Variants in SLC29A4 observed in about 807,000 individuals in gnomAD.
SLC29A4 encodes equilibrative nucleoside transporter 4.
A neutral mutation model predicts 43.9 loss-of-function variants in SLC29A4; 36 were observed. The observed-to-expected ratio is 0.82, with a 90% CI of 0.63 to 1.08. The LOEUF (loss-of-function observed/expected upper bound fraction) is 1.08, where lower values mean the gene tolerates loss of function less well. SLC29A4 is among the 50% of genes least tolerant of loss of function. The pLI, the probability that SLC29A4 is intolerant of heterozygous loss-of-function variation, is 0.00. For synonymous variants in SLC29A4, 491 were observed against 338.0 expected (o/e 1.45, Z -4.97); for missense variants, 869 against 755.3 (o/e 1.15, Z -1.77).
chr7:5,299,212 C>T (rs1371847177), intron 8 of SLC29A4, 28 bp from the exon 9 acceptor site: 2 of 1,602,716 alleles, frequency 1.2e-6, no homozygotes, highest in South Asian at 1.1e-5. Context: ...GTGGGCGCTG[C>T]CTCTGACCCC....
rs200232998 is a variant in SLC29A4, at chr7:5,287,710, CAT to C, written c.-8-98_-8-97del. On this transcript the variant is annotated intron_variant, in intron 1 of 10. Transcript: ENST00000396872. ...TGGCCAACGAGTGTGACCAAAGTGA[CAT>C]GTGTCACTCCAGGTAGAAGCTTTAT... 2.1e-3 allele frequency: 2,570 copies of C among 1,246,688 alleles called. 19 individuals are homozygous for C. The African/African-American group carries it at 0.021, about 10-fold the overall frequency. The allele number at this position is 1,246,688 out of a possible 1,614,324, so 77.2% of individuals were successfully genotyped here.
rs143356600 is a variant in SLC29A4 at position 5,300,601 on chromosome 7, C to G, written c.1389C>G (p.Phe463Leu). ...TCATGGGCATCAGCAACGGCTACTT[C>G]GGCAGCGTGCCCATGATCCTGGCGG... is the stretch of plus-strand genomic sequence containing the variant. The part of the protein sequence containing the change: ...SLLMGISNGY[F>L]GSVPMILAAG... The change falls in exon 10 of 11, where the codon TTC becomes TTG. Residue 463 changes from phenylalanine to leucine, a missense_variant. Physicochemically the swap from Phe to Leu is conservative, Grantham distance 22. Transcript: ENST00000396872. 6.2e-7 allele frequency: 1 copy of G among 1,611,062 alleles called. No homozygotes were observed. Among genetic ancestry groups the G allele is most frequent in the Non-Finnish European group, 8.5e-7 (1 of 1,178,874 alleles).
chr7:5,293,903 G>A (rs973289364), intron 5 of SLC29A4, among the ~76,000 whole-genome samples: 2 of 152,068 alleles, frequency 1.3e-5, no homozygotes, highest in African/African-American at 4.8e-5. Context: ...TCAGGAGTTC[G>A]AGACCAGTCT....
At position 5,287,973 on chromosome 7, in the gene SLC29A4, T is replaced by C; in HGVS notation, c.157T>C (p.Phe53Leu). ...QGLRARGVPAFTDTTLDEPVP... is the reference protein window; with the variant it reads ...QGLRARGVPALTDTTLDEPVP... ...CCTTAGGGCCAGGGGCGTCCCAGCT[T>C]TCACGGATACTAGTAAGTAGGCGTG... Residue 53 changes from phenylalanine to leucine, a missense_variant, in exon 2 of 11, where the codon TTC (phenylalanine) becomes CTC (leucine). Phe to Leu is a conservative substitution (Grantham distance 22, BLOSUM62 0). Transcript: ENST00000396872. 1 of 1,608,782 alleles carries C rather than the reference T, an allele frequency of 6.2e-7. No individual in the cohort carries two copies. The highest frequency in any genetic ancestry group is 8.5e-7 in the Non-Finnish European group (1 of 1,178,808).
At chr7:5,300,068 G>A (rs1356864083) in intron 9 of SLC29A4, among the ~76,000 whole-genome samples, 3 of 151,712 alleles carry the variant, frequency 2.0e-5, no homozygotes, top group African/African-American at 7.3e-5. Context: ...ACAAGCAAAC[G>A]AACAAAAAAA....
intron 1 of SLC29A4, among the ~76,000 whole-genome samples, 156 bp from the exon 2 acceptor site, chr7:5,287,653 C>G (rs551604389): frequency 1.1e-4 from 16 of 152,356 alleles, no homozygotes; most frequent in African/African-American, 3.4e-4. Flanking sequence ...AGGCACTTTC[C>G]TGGCTCCTTT....
chr7:5,288,804 G>C (rs1460669797), intron 2 of SLC29A4, among the ~76,000 whole-genome samples: 1 of 152,094 alleles, frequency 6.6e-6, no homozygotes, highest in Admixed American at 6.6e-5. Context: ...TTGAAGAATT[G>C]GGCCAACTGA....
chr7:5,299,823 G>A lies in SLC29A4; in HGVS notation c.1209+396G>A, dbSNP rs1437180815. Among the ~76,000 whole-genome samples the A allele has an allele frequency of 2.0e-5, 3 of 152,218 alleles. No individual in the cohort carries two copies. The East Asian group carries it at 5.8e-4, about 29-fold the overall frequency. On this transcript the variant is annotated intron_variant, in intron 9 of 10. Transcript: ENST00000396872. Reference sequence around the variant, plus strand: ...CCTAGCACTTCAGGAGGCCAGAGATGGGTAGATCACTTGAGGCCAGGAGTT... The same window carrying A: ...CCTAGCACTTCAGGAGGCCAGAGATAGGTAGATCACTTGAGGCCAGGAGTT...
At chr7:5,292,986 A>G (rs1362666927) in intron 5 of SLC29A4, among the ~76,000 whole-genome samples, 1 of 149,420 alleles carries the variant, frequency 6.7e-6, no homozygotes, top group African/African-American at 2.5e-5. Flanking sequence ...GGCGTGAGCC[A>G]CCGCACCCCG....
intron 9 of SLC29A4, among the ~76,000 whole-genome samples, chr7:5,299,880 C>T (rs138539209): frequency 9.9e-5 from 15 of 152,152 alleles, no homozygotes; most frequent in African/African-American, 2.7e-4. Flanking sequence ...GGTGAAACCC[C>T]GTGTCTACTG....
chr7:5,288,533 C>T (rs1285567895), intron 2 of SLC29A4, among the ~76,000 whole-genome samples: 2 of 151,920 alleles, frequency 1.3e-5, no homozygotes, highest in African/African-American at 4.8e-5. Context: ...ACCTCATGAT[C>T]CGCCCGCCTC....
At chr7:5,285,415 C>T (rs1029203819) in intron 1 of SLC29A4, among the ~76,000 whole-genome samples, 2 of 152,232 alleles carry the variant, frequency 1.3e-5, no homozygotes, top group Non-Finnish European at 2.9e-5. Context: ...TAGTGGGTAC[C>T]AATTACCTGC....
chr7:5,285,396 C>T (rs1459015712), intron 1 of SLC29A4, among the ~76,000 whole-genome samples: 1 of 152,214 alleles, frequency 6.6e-6, no homozygotes, highest in Non-Finnish European at 1.5e-5. Context: ...GGGACCGCCT[C>T]TCCCCTGGTA....
chr7:5,306,883 A>AG lies in SLC29A4; in HGVS notation c.*3944_*3945insG, dbSNP rs1786566417. 1 of 151,062 alleles carries AG rather than the reference A, an allele frequency of 6.6e-6. No homozygotes were observed. Among genetic ancestry groups the AG allele is most frequent in the Non-Finnish European group, 1.5e-5 (1 of 67,814 alleles). 9.4% of individuals were successfully genotyped at this position (151,062 alleles called of 1,614,324 possible). A position where few individuals can be genotyped will look rare whatever the true frequency, so the allele number is the denominator to read the frequency against. On this transcript the variant is annotated 3_prime_UTR_variant, in exon 11 of 11. Transcript: ENST00000396872. ...CAAAATTCCAAAAGAAACATAAAAA[A>AG]AAAAACCAATAATTCCCCCAAAAAA...
In SLC29A4 at chr7:5,306,185, CAATTTCTT is replaced by C. The variant is rs1211110299; in HGVS notation, c.*3247_*3254del. ...TAATTTTTTCTCATGTAAATTTGTT[CAATTTCTT>C]TTTTTTTTTTTTTTTTTTTTTTTGA... On this transcript the variant is annotated 3_prime_UTR_variant, in exon 11 of 11. Transcript: ENST00000396872. 1 of 125,992 alleles carries C rather than the reference CAATTTCTT, an allele frequency of 7.9e-6. No individual in the cohort carries two copies. Among genetic ancestry groups the C allele is most frequent in the African/African-American group, 3.0e-5 (1 of 33,862 alleles). The allele number at this position is 125,992 out of a possible 1,614,324, so 7.8% of individuals were successfully genotyped here. A position where few individuals can be genotyped will look rare whatever the true frequency, so the allele number is the denominator to read the frequency against.
At chr7:5,298,249 G>A (rs1258318610) in intron 7 of SLC29A4, among the ~76,000 whole-genome samples, 1 of 152,184 alleles carries the variant, frequency 6.6e-6, no homozygotes, top group Non-Finnish European at 1.5e-5. Flanking sequence ...GACAAGCCAG[G>A]GCAGGGGTGC....
At chr7:5,298,937 C>G in intron 7 of SLC29A4, 51 bp from the exon 8 acceptor site, 1 of 1,579,540 alleles carries the variant, frequency 6.3e-7, no homozygotes, top group Non-Finnish European at 8.6e-7. Flanking sequence ...TGGCCCGTGT[C>G]TCCTGTCCTC....
chr7:5,287,238 C>T (rs1176863835), intron 1 of SLC29A4, among the ~76,000 whole-genome samples: 2 of 152,042 alleles, frequency 1.3e-5, no homozygotes, highest in East Asian at 1.9e-4. Flanking sequence ...TGTAGTGAGA[C>T]CCCCAACTCT....
intron 6 of SLC29A4, 68 bp from the exon 7 acceptor site, chr7:5,296,868 T>TGGGGC (rs1431198570): frequency 8.4e-7 from 1 of 1,185,740 alleles, no homozygotes; most frequent in Non-Finnish European, 1.1e-6. Context: ...TGGACGGGGC[T>TGGGGC]GGGGCGGGAC....
Sources: gnomAD v4.1 joint callset for allele counts (sites outside exome capture counted in the v4.1 genomes callset) on GRCh38, gnomAD v4.1.1 for gene constraint, MANE v1.5 for transcripts, NCBI Gene and HGNC (gene_info 2026-07-23, HGNC 2026-07-21) for gene names.